The following TSHZ3 variants were observed in gnomAD, a reference collection of about 807,000 sequenced individuals.
TSHZ3 encodes teashirt zinc finger homeobox 3.
TSHZ3 carries 10 observed loss-of-function variants against 64.5 expected under a neutral mutation model. That is an observed-to-expected ratio of 0.16 (90% CI 0.10 to 0.26). The LOEUF is 0.26. Among genes scored for constraint, TSHZ3 ranks in the 10% least tolerant of loss-of-function variants. TSHZ3 has a pLI of 1.00. For synonymous variants in TSHZ3, 608 were observed against 593.1 expected, an observed-to-expected ratio of 1.03 and a Z score of -0.36; for missense variants, 1,242 against 1,421.7, an observed-to-expected ratio of 0.87 and a Z score of 2.03.
chr19:31,234,561 C>T (rs1209701904), intron 3 of TSHZ3, among the ~76,000 whole-genome samples: 1 of 152,158 alleles, frequency 6.6e-6, no homozygotes, highest in Non-Finnish European at 1.5e-5. Context: ...CTTCTATTTG[C>T]AATTTGCTGC....
chr19:31,272,441 G>A (rs1183180673), downstream of TSHZ3, among the ~76,000 whole-genome samples: 1 of 152,098 alleles, frequency 6.6e-6, no homozygotes, highest in African/African-American at 2.4e-5. Flanking sequence ...CTGTTTGGTG[G>A]TTATCAATAT....
intron 1 of TSHZ3, 28 bp downstream of exon 1, chr19:31,349,152 A>G: frequency 6.5e-7 from 1 of 1,537,244 alleles, no homozygotes; most frequent in African/African-American, 1.4e-5. Context: ...GGAGGAGGAG[A>G]GCAGAAGGAA....
intron 4 of TSHZ3, among the ~76,000 whole-genome samples, chr19:31,219,656 C>T (rs1188752118): frequency 6.6e-6 from 1 of 151,688 alleles, no homozygotes; most frequent in Non-Finnish European, 1.5e-5. Flanking sequence ...AGAAGAAAAA[C>T]ATTGAAGAAC....
chr19:31,236,848 G>A (rs1333899413), intron 3 of TSHZ3, among the ~76,000 whole-genome samples: 1 of 152,160 alleles, frequency 6.6e-6, no homozygotes, highest in Non-Finnish European at 1.5e-5. Context: ...CTTTTGTACA[G>A]CAAAAGAAAC....
At chr19:31,236,208 ACT>A in intron 3 of TSHZ3, among the ~76,000 whole-genome samples, 1 of 151,882 alleles carries the variant, frequency 6.6e-6, no homozygotes, top group South Asian at 2.1e-4. Flanking sequence ...TTTTGAGGAA[ACT>A]CTGCACTGTT....
chr19:31,230,128 A>G (rs1487423837), intron 3 of TSHZ3, among the ~76,000 whole-genome samples: 1 of 152,200 alleles, frequency 6.6e-6, no homozygotes, highest in African/African-American at 2.4e-5. Context: ...AAAAGCAAAA[A>G]ATTAAAAACA....
intron 4 of TSHZ3, among the ~76,000 whole-genome samples, chr19:31,205,955 ATGAG>A (rs1975161615): frequency 6.6e-6 from 1 of 152,170 alleles, no homozygotes; most frequent in Admixed American, 6.5e-5. Flanking sequence ...GGAGGGATGA[ATGAG>A]TGGGTGGATG....
chr19:31,297,051 G>T (rs892443393), intron 1 of TSHZ3, among the ~76,000 whole-genome samples: 1 of 152,182 alleles, frequency 6.6e-6, no homozygotes, highest in Non-Finnish European at 1.5e-5. Flanking sequence ...GAAGGGTGTT[G>T]GGAAATACCC....
At chr19:31,347,329 A>T (rs1461528996) in intron 1 of TSHZ3, among the ~76,000 whole-genome samples, 1 of 152,188 alleles carries the variant, frequency 6.6e-6, no homozygotes, top group Non-Finnish European at 1.5e-5. Context: ...TACGAGTCTC[A>T]GATTGGCAGG....
At chr19:31,315,556 C>G (rs1326622534) in intron 1 of TSHZ3, among the ~76,000 whole-genome samples, 1 of 152,216 alleles carries the variant, frequency 6.6e-6, no homozygotes, top group Non-Finnish European at 1.5e-5. Flanking sequence ...CCTAGACTTC[C>G]CTCACTCGCC....
At chr19:31,239,039 G>A (rs899589533) in intron 3 of TSHZ3, among the ~76,000 whole-genome samples, 9 of 152,030 alleles carry the variant, frequency 5.9e-5, no homozygotes, top group Admixed American at 5.2e-4. Context: ...ATTTTTGTGT[G>A]CTTGATGTAG....
intron 1 of TSHZ3, among the ~76,000 whole-genome samples, chr19:31,294,006 C>T (rs974645431): frequency 2.6e-5 from 4 of 152,168 alleles, no homozygotes; most frequent in African/African-American, 4.8e-5. Context: ...CTCATTCCCA[C>T]GTCACAGAAC....
chr19:31,236,989 A>C (rs1975625560), intron 3 of TSHZ3, among the ~76,000 whole-genome samples: 1 of 152,198 alleles, frequency 6.6e-6, no homozygotes, highest in African/African-American at 2.4e-5. Context: ...TCTCTACTAA[A>C]AATACAAATA....
At chr19:31,265,389 C>T (rs954797749) in intron 1 of TSHZ3, among the ~76,000 whole-genome samples, 14 of 53,820 alleles carry the variant, frequency 2.6e-4, no homozygotes, top group Non-Finnish European at 4.7e-4. Context: ...AAGAACAAAA[C>T]TCTGTCTCAA....
In TSHZ3 at chr19:31,284,223, A is replaced by G. The variant is rs190045344; in HGVS notation, c.41-4471T>C. On this transcript the variant is annotated intron_variant, in intron 1 of 1. Transcript: ENST00000240587. ...AGTAGGTGAGTGGGGGGTCATGTCC[A>G]GGAGCAAGGAGTTGTAACAGCCTTT... Among the ~76,000 whole-genome samples, 104 of 152,108 alleles carry G rather than the reference A, an allele frequency of 6.8e-4. 2 individuals carry two copies. In the East Asian group the frequency reaches 0.013, roughly 18 times the overall value.
intron 3 of TSHZ3, among the ~76,000 whole-genome samples, chr19:31,233,805 C>T (rs897275835): frequency 6.6e-6 from 1 of 152,006 alleles, no homozygotes. Flanking sequence ...ACACAGACAC[C>T]TAGTTCTTGT....
chr19:31,346,540 C>G (rs867170924), intron 1 of TSHZ3, among the ~76,000 whole-genome samples: 1 of 152,176 alleles, frequency 6.6e-6, no homozygotes, highest in Middle Eastern at 3.4e-3. Flanking sequence ...TATGGCTGAG[C>G]GGACCTTTCA....
At chr19:31,237,537 A>C (rs1975634711) in intron 3 of TSHZ3, among the ~76,000 whole-genome samples, 3 of 151,916 alleles carry the variant, frequency 2.0e-5, no homozygotes, top group African/African-American at 7.3e-5. Context: ...AATTTTATTA[A>C]GTTTGTTTTC....
chr19:31,336,235 A>G (rs1917237846), intron 1 of TSHZ3, among the ~76,000 whole-genome samples: 1 of 152,172 alleles, frequency 6.6e-6, no homozygotes, highest in Non-Finnish European at 1.5e-5. Context: ...ATTCCTCCAG[A>G]ATATTTTAGC....
Sources: gnomAD v4.1 joint callset for allele counts (sites outside exome capture counted in the v4.1 genomes callset) on GRCh38, gnomAD v4.1.1 for gene constraint, MANE v1.5 for transcripts, NCBI Gene and HGNC (gene_info 2026-07-23, HGNC 2026-07-21) for gene names.